F11: variants seen among roughly 807,000 people sequenced by gnomAD.
The protein encoded by F11 is coagualtion factor XI.
F11 carries 78 observed loss-of-function variants against 76.5 expected under a neutral mutation model. The ratio of observed to expected loss-of-function variants is 1.02; its 90% CI spans 0.85 to 1.23. F11 has a LOEUF of 1.23. Ranked by LOEUF, F11 falls within the 50% of genes most tolerant of loss-of-function variation. The pLI is 0.00. For synonymous variants in F11, 278 were observed against 276.3 expected (o/e 1.01, Z -0.06); for missense variants, 742 against 771.4 (o/e 0.96, Z 0.45).
intron 10 of F11, chr4:186,282,141 A>G: frequency 8.8e-7 from 1 of 1,142,806 alleles, no homozygotes; most frequent in Non-Finnish European, 1.1e-6. Flanking sequence ...AGTAATGTTG[A>G]CATGGTTTAA....
At chr4:186,284,533 G>A (rs1190607474) in intron 11 of F11, among the ~76,000 whole-genome samples, 3 of 152,142 alleles carry the variant, frequency 2.0e-5, no homozygotes, top group Non-Finnish European at 4.4e-5. Context: ...TTCCCTGCAA[G>A]AGCATACCTC....
intron 11 of F11, among the ~76,000 whole-genome samples, chr4:186,285,388 G>A (rs570261581): frequency 1.8e-4 from 27 of 151,754 alleles, no homozygotes; most frequent in African/African-American, 5.3e-4. Context: ...GTGCGTGTGC[G>A]GGTGTGTGCG....
chr4:186,282,164 G>A, intron 10 of F11: 1 of 1,132,326 alleles, frequency 8.8e-7, no homozygotes. Context: ...AAATGGGAAT[G>A]AGCACGTATA....
chr4:186,273,285 A>C, intron 4 of F11, 108 bp downstream of exon 4: 1 of 879,852 alleles, frequency 1.1e-6, no homozygotes, highest in South Asian at 1.4e-5. Flanking sequence ...GTGGAAATAA[A>C]CCCCCTTAAT....
chr4:186,288,116 G>A (rs1169853545), intron 14 of F11, among the ~76,000 whole-genome samples: 1 of 151,522 alleles, frequency 6.6e-6, no homozygotes, highest in African/African-American at 2.4e-5. Flanking sequence ...GTTTCACCAT[G>A]TTGGCCAGGA....
intron 10 of F11, 128 bp from the exon 11 acceptor site, chr4:186,283,964 T>A: frequency 6.9e-7 from 1 of 1,450,654 alleles, no homozygotes; most frequent in Non-Finnish European, 9.6e-7. Flanking sequence ...GATTATAAAG[T>A]CTCTGTAACT....
At position 186,289,019 on chromosome 4, in the gene F11, C is replaced by CTTTTTT; in HGVS notation, c.*405_*406insTTTTTT. The CTTTTTT allele has an allele frequency of 7.0e-4, 187 of 265,270 alleles. No individual in the cohort carries two copies. Among genetic ancestry groups the CTTTTTT allele is most frequent in the South Asian group, 2.1e-3 (47 of 22,174 alleles). The allele number at this position is 265,270 out of a possible 1,614,324, so 16.4% of individuals were successfully genotyped here. A position where few individuals can be genotyped will look rare whatever the true frequency, so the allele number is the denominator to read the frequency against. Reference sequence around the variant, plus strand: ...AGATGAAAACTGGAAGAAAGGAGAACAAAGACAGTCTTCACCATTTTGCAG... The same window carrying CTTTTTT: ...AGATGAAAACTGGAAGAAAGGAGAACTTTTTTAAAGACAGTCTTCACCATTTTGCAG... On this transcript the variant is annotated 3_prime_UTR_variant, in exon 15 of 15. Transcript: ENST00000403665.
At chr4:186,270,801 C>T (rs1440815673) in intron 2 of F11, among the ~76,000 whole-genome samples, 1 of 151,982 alleles carries the variant, frequency 6.6e-6, no homozygotes, top group Admixed American at 6.5e-5. Flanking sequence ...TCAGGAGATC[C>T]TCCTACCTCA....
At chr4:186,269,337 G>T (rs1301155387) in intron 2 of F11, among the ~76,000 whole-genome samples, 1 of 152,208 alleles carries the variant, frequency 6.6e-6, no homozygotes, top group Non-Finnish European at 1.5e-5. Context: ...TAACCCAAAG[G>T]TGGAAGCAGC....
At chr4:186,286,784 C>T in intron 13 of F11, 2 of 861,976 alleles carry the variant, frequency 2.3e-6, no homozygotes, top group Non-Finnish European at 2.8e-6. Context: ...AATGTTCTAG[C>T]CTGCTATCCA....
chr4:186,290,129 G>A (rs1294126972), downstream of F11, among the ~76,000 whole-genome samples: 2 of 151,638 alleles, frequency 1.3e-5, no homozygotes, highest in African/African-American at 2.4e-5. Context: ...AAAATATATA[G>A]GTTCAAGCTG....
chr4:186,274,037 A>T lies in F11; in HGVS notation c.326-79A>T, dbSNP rs140078415. The T allele has an allele frequency of 5.4e-5, 82 of 1,531,050 alleles. No homozygotes were observed. The African/African-American group carries it at 9.1e-4, about 17-fold the overall frequency. The allele number at this position is 1,531,050 out of a possible 1,614,324, so 94.8% of individuals were successfully genotyped here. ...AAAGGTGGGTGAAAAAGTTGAAAGG[A>T]TGAGTCAGGAGGGACAGTTGCTTAG... is the stretch of plus-strand genomic sequence containing the variant. On this transcript the variant is annotated intron_variant, in intron 4 of 14. Transcript: ENST00000403665.
intron 11 of F11, among the ~76,000 whole-genome samples, chr4:186,285,214 G>T (rs541596083): frequency 6.6e-6 from 1 of 152,120 alleles, no homozygotes; most frequent in South Asian, 2.1e-4. Flanking sequence ...GAACACATGT[G>T]AGGCCAAGAG....
chr4:186,276,128 G>T, intron 6 of F11, 103 bp from the exon 7 acceptor site: 2 of 1,344,236 alleles, frequency 1.5e-6, no homozygotes, highest in Non-Finnish European at 2.1e-6. Context: ...AAAGATCTTG[G>T]GATACACTTA....
At position 186,278,236 on chromosome 4, in the gene F11, G is replaced by A. The variant is rs898734029; in HGVS notation, c.756-1776G>A. On this transcript the variant is annotated intron_variant, in intron 7 of 14. Transcript: ENST00000403665. ...TCAGCACTTGCCTGATTGGCCTCCT[G>A]TTGATGAAAAGTTGTCCTCCAGACA... 5.9e-5 allele frequency among the ~76,000 whole-genome samples: 9 copies of A among 152,246 alleles called. No homozygotes were observed. In the South Asian group the frequency reaches 1.7e-3, roughly 28 times the overall value.
At chr4:186,279,521 A>G (rs562056560) in intron 7 of F11, among the ~76,000 whole-genome samples, 3 of 152,366 alleles carry the variant, frequency 2.0e-5, no homozygotes, top group African/African-American at 7.2e-5. Flanking sequence ...CCATCACTGC[A>G]GAAAGATCTA....
chr4:186,276,971 G>A (rs1406753916), intron 7 of F11, among the ~76,000 whole-genome samples: 1 of 152,038 alleles, frequency 6.6e-6, no homozygotes, highest in Non-Finnish European at 1.5e-5. Flanking sequence ...TGGATATACT[G>A]TGTAGTGGTG....
intron 4 of F11, 85 bp from the exon 5 acceptor site, chr4:186,274,031 G>A: frequency 6.6e-7 from 1 of 1,509,620 alleles, no homozygotes; most frequent in Admixed American, 1.7e-5. Context: ...TGAAAAAGTT[G>A]AAAGGATGAG....
chr4:186,278,574 G>A (rs1740551313), intron 7 of F11, among the ~76,000 whole-genome samples: 1 of 152,152 alleles, frequency 6.6e-6, no homozygotes, highest in Non-Finnish European at 1.5e-5. Flanking sequence ...TGATAGGTTG[G>A]ACCACGGATT....
Sources: allele counts gnomAD v4.1 joint callset (sites outside exome capture counted in the v4.1 genomes callset), GRCh38; gene constraint gnomAD v4.1.1; transcripts MANE v1.5; gene names NCBI Gene and HGNC (gene_info 2026-07-23, HGNC 2026-07-21).